ECT2: variants seen among roughly 807,000 people sequenced by gnomAD.
ECT2 encodes the protein protein ECT2.
A neutral mutation model predicts 116.9 loss-of-function variants in ECT2; 61 were observed. The ratio of observed to expected loss-of-function variants is 0.52; its 90% confidence interval spans 0.42 to 0.65. The LOEUF (loss-of-function observed/expected upper bound fraction) is 0.65, where lower values mean the gene tolerates loss of function less well. Among genes scored for constraint, ECT2 ranks in the 30% least tolerant of loss-of-function variants. The probability of loss-of-function intolerance (pLI) is 0.00; values close to 1 mark genes in which losing one functional copy is unlikely to be tolerated. For synonymous variants in ECT2, 358 were observed against 346.4 expected (o/e 1.03, Z -0.37); for missense variants, 937 against 1,078.7 (o/e 0.87, Z 1.84).
chr3:172,816,430 G>A (rs1729730459), intron 23 of ECT2, among the ~76,000 whole-genome samples: 1 of 152,048 alleles, frequency 6.6e-6, no homozygotes, highest in African/African-American at 2.4e-5. Flanking sequence ...TAGACTGGCT[G>A]AATCAGAGAA....
chr3:172,793,645 G>A (rs1725093680), intron 18 of ECT2, among the ~76,000 whole-genome samples: 1 of 151,892 alleles, frequency 6.6e-6, no homozygotes, highest in African/African-American at 2.4e-5. Flanking sequence ...AGTATTTTTA[G>A]TAGAGACGGA....
chr3:172,793,163 T>TTTTA (rs1446987484), intron 18 of ECT2, among the ~76,000 whole-genome samples: 42 of 152,246 alleles, frequency 2.8e-4, no homozygotes, highest in Admixed American at 1.2e-3. Flanking sequence ...TTTTATTTAT[T>TTTTA]TTTATTTATT....
chr3:172,804,094 G>A (rs1032390319), intron 20 of ECT2, among the ~76,000 whole-genome samples: 12 of 152,128 alleles, frequency 7.9e-5, no homozygotes, highest in Non-Finnish European at 1.6e-4. Context: ...ACAGGCGTGA[G>A]CCACTGCACC....
At chr3:172,813,316 G>T (rs1729099550) in intron 22 of ECT2, among the ~76,000 whole-genome samples, 3 of 151,824 alleles carry the variant, frequency 2.0e-5, no homozygotes, top group African/African-American at 7.3e-5. Flanking sequence ...TACAGATAAA[G>T]ATAGCATTAT....
the ECT2 span, among the ~76,000 whole-genome samples, chr3:172,827,271 C>T: frequency 2.6e-5 from 4 of 152,302 alleles, no homozygotes; most frequent in South Asian, 8.3e-4. Flanking sequence ...AGCAATCCCA[C>T]TGCTGGGTAT....
chr3:172,755,236 G>A (rs1361143814), intron 2 of ECT2, 59 bp from the exon 3 acceptor site: 7 of 1,334,498 alleles, frequency 5.2e-6, no homozygotes, highest in Non-Finnish European at 2.1e-6. Context: ...GAGCGATAAG[G>A]ACCTACTGAT....
intron 14 of ECT2, among the ~76,000 whole-genome samples, chr3:172,778,635 G>A (rs1275776001): frequency 3.5e-5 from 4 of 115,118 alleles, no homozygotes; most frequent in South Asian, 2.9e-4. Flanking sequence ...TCGCTCTGTC[G>A]CCCAGGCTGG....
At chr3:172,769,744 A>G (rs1441957267) in intron 13 of ECT2, among the ~76,000 whole-genome samples, 2 of 152,188 alleles carry the variant, frequency 1.3e-5, no homozygotes, top group African/African-American at 4.8e-5. Flanking sequence ...AGAAGATATT[A>G]AGGAATAAAC....
At position 172,763,223 on chromosome 3, in the gene ECT2, C is replaced by T. The variant is rs560265855; in HGVS notation, c.1068+251C>T. ...TTACGAACAAGAACATCTCTATCTT[C>T]AGAAACTTAGACTTTTAATGGAAAG... On this transcript the variant is annotated intron_variant, in intron 11 of 24. Coordinates refer to ENST00000392692, the MANE Select transcript of ECT2 (RefSeq NM_001258315.2). Among the ~76,000 whole-genome samples, 20 of 152,274 alleles carry T rather than the reference C, an allele frequency of 1.3e-4. No individual in the cohort carries two copies. The East Asian group carries it at 3.3e-3, about 25-fold the overall frequency.
At chr3:172,821,812 A>C (rs1015848131), downstream of ECT2, among the ~76,000 whole-genome samples, 1 of 151,880 alleles carries the variant, frequency 6.6e-6, no homozygotes, top group Non-Finnish European at 1.5e-5. Flanking sequence ...TTCCAGAGAC[A>C]AGAAATGACA....
intron 13 of ECT2, among the ~76,000 whole-genome samples, chr3:172,773,660 A>G (rs1356512234): frequency 6.6e-6 from 1 of 152,190 alleles, no homozygotes; most frequent in East Asian, 1.9e-4. Context: ...GAACTGTGTG[A>G]AGTTTTATTT....
chr3:172,814,297 ACTT>A (rs1028352782), intron 22 of ECT2, among the ~76,000 whole-genome samples: 2 of 152,104 alleles, frequency 1.3e-5, no homozygotes, highest in African/African-American at 4.8e-5. Context: ...ATTTCAAAGT[ACTT>A]CTATGCATTA....
In ECT2 at chr3:172,769,056, T is replaced by A. The variant is rs368382756; in HGVS notation, c.1341T>A (p.Pro447=). The A allele has an allele frequency of 6.2e-7, 1 of 1,613,606 alleles. No individual in the cohort carries two copies. The highest frequency in any genetic ancestry group is 8.5e-7 in the Non-Finnish European group (1 of 1,179,662). ...TKSSKSSTPV[P]SKQSARWQVA... Reference sequence around the variant, plus strand: ...CTTCTAAAAGCTCCACTCCAGTTCCTTCAAAGCAGTCAGCAAGGTGGCAAG... The same window carrying A: ...CTTCTAAAAGCTCCACTCCAGTTCCATCAAAGCAGTCAGCAAGGTGGCAAG... Residue 447 remains proline (P), a synonymous_variant, in exon 13 of 25, where the codon CCT becomes CCA. Coordinates refer to ENST00000392692, the MANE Select transcript of ECT2 (RefSeq NM_001258315.2).
chr3:172,822,830 AC>A (rs1393466098), downstream of ECT2, among the ~76,000 whole-genome samples: 1 of 152,032 alleles, frequency 6.6e-6, no homozygotes, highest in Non-Finnish European at 1.5e-5. Flanking sequence ...AATTACCCTC[AC>A]AAACCATTGA....
At chr3:172,764,147 G>T (rs1469508567) in intron 11 of ECT2, 131 bp from the exon 12 acceptor site, 7 of 748,914 alleles carry the variant, frequency 9.3e-6, no homozygotes, top group Non-Finnish European at 1.5e-5. Context: ...GAATTGCCTG[G>T]TAGAGTGTAG....
chr3:172,796,609 T>TA (rs1169024753), intron 18 of ECT2: 4 of 152,220 alleles, frequency 2.6e-5, no homozygotes, highest in Non-Finnish European at 5.9e-5. Context: ...GATATCTGTT[T>TA]AATTTCCTCA....
rs772679091 is a variant in ECT2 at position 172,771,827 on chromosome 3, T to A, written c.1429-2076T>A. The stretch of plus-strand genomic sequence containing the variant: ...GATAAGAGGATAGATTTGAGAAATA[T>A]TGGAAAAATAGAATCTTTCATTGTG... On this transcript the variant is annotated intron_variant, in intron 13 of 24. Transcript: ENST00000392692. Among the ~76,000 whole-genome samples the A allele has an allele frequency of 2.6e-5, 4 of 152,332 alleles. No individual in the cohort carries two copies. The South Asian group carries it at 8.3e-4, about 32-fold the overall frequency.
At chr3:172,756,936 T>C in intron 4 of ECT2, 47 bp from the exon 5 acceptor site, 3 of 1,463,250 alleles carry the variant, frequency 2.1e-6, no homozygotes, top group Non-Finnish European at 2.8e-6. Flanking sequence ...AGATGGATTA[T>C]TTGATATATA....
At chr3:172,758,691 C>T (rs1386593934) in intron 5 of ECT2, among the ~76,000 whole-genome samples, 1 of 152,134 alleles carries the variant, frequency 6.6e-6, no homozygotes, top group Non-Finnish European at 1.5e-5. Context: ...ATAGTCAGTA[C>T]TTCATGTCTG....
Sources: allele counts gnomAD v4.1 joint callset (sites outside exome capture counted in the v4.1 genomes callset), GRCh38; gene constraint gnomAD v4.1.1; transcripts MANE v1.5; gene names NCBI Gene and HGNC (gene_info 2026-07-23, HGNC 2026-07-21).